NEMP2: variants seen among roughly 807,000 people sequenced by gnomAD.
NEMP2 encodes nuclear envelope integral membrane protein 2.
In NEMP2, 53 loss-of-function variants were observed where a neutral mutation model predicts 54.2. That is an observed-to-expected ratio of 0.98 (90% CI 0.78 to 1.23). The LOEUF (loss-of-function observed/expected upper bound fraction) is 1.23. Ranked by LOEUF, NEMP2 falls within the 50% of genes most tolerant of loss-of-function variation. NEMP2 has a pLI of 0.00. For synonymous variants in NEMP2, 197 were observed against 190.3 expected, an observed-to-expected ratio of 1.04 and a Z score of -0.29; for missense variants, 455 against 511.3, an observed-to-expected ratio of 0.89 and a Z score of 1.06.
the NEMP2 span, among the ~76,000 whole-genome samples, chr2:190,613,903 T>G: frequency 6.6e-6 from 1 of 151,402 alleles, no homozygotes; most frequent in Non-Finnish European, 1.5e-5. Flanking sequence ...ACTTCACCAA[T>G]AATTTTTAAA....
At chr2:190,437,553 C>A in the NEMP2 span, 10 of 1,612,720 alleles carry the variant, frequency 6.2e-6, no homozygotes, top group Non-Finnish European at 8.5e-6. The surrounding 1 kb of genome is among the most constrained non-coding windows in gnomAD (Gnocchi z 5.9). Context: ...AATTGATCGG[C>A]CACATCAGGT....
the NEMP2 span, among the ~76,000 whole-genome samples, chr2:190,493,074 A>C: frequency 1.3e-5 from 2 of 152,264 alleles, no homozygotes; most frequent in East Asian, 1.9e-4. Flanking sequence ...CTCCACTTAA[A>C]AGATACAGAA....
At chr2:190,546,815 CA>C in the NEMP2 span, among the ~76,000 whole-genome samples, 1 of 152,162 alleles carries the variant, frequency 6.6e-6, no homozygotes, top group South Asian at 2.1e-4. This position sits in a 1 kb window ranked among gnomAD's most constrained non-coding sequence, Gnocchi z 5.1. Context: ...GTGTCTTAAA[CA>C]AAACATTTAT....
rs575984821 is a variant in NEMP2 at position 190,510,231 on chromosome 2, C to T, written c.1130+130G>A. The T allele has an allele frequency of 1.8e-6, 2 of 1,102,364 alleles. No homozygotes were observed. The highest frequency in any genetic ancestry group is 3.2e-5 in the African/African-American group (2 of 63,332). 68.3% of individuals were successfully genotyped at this position (1,102,364 alleles called of 1,614,324 possible). A position where few individuals can be genotyped will look rare whatever the true frequency, so the allele number is the denominator to read the frequency against. The stretch of plus-strand genomic sequence containing the variant: ...CAGTACTGAGAAAAGGGACCTCTGA[C>T]AACTTCCACATCATCTGTTATCCAG... On this transcript the variant is annotated intron_variant, in intron 8 of 8. Transcript: ENST00000409150. The surrounding 1 kb of genome is among the most constrained non-coding windows in gnomAD (Gnocchi z 5.7).
rs1312149100 is a variant in NEMP2 at position 190,522,288 on chromosome 2, G to A, written c.213+2975C>T. Among the ~76,000 whole-genome samples the A allele has an allele frequency of 1.3e-5, 2 of 151,940 alleles. No homozygotes were observed. Among genetic ancestry groups the A allele is most frequent in the African/African-American group, 2.4e-5 (1 of 41,344 alleles). On this transcript the variant is annotated intron_variant, in intron 2 of 8. Coordinates refer to ENST00000409150, the MANE Select transcript of NEMP2 (RefSeq NM_001142645.2). The surrounding 1 kb of genome is among the most constrained non-coding windows in gnomAD (Gnocchi z 5.0). ...ATTGGGTACTATGGTCACTAGTTGG[G>A]GGATGGGTTCAGTAGAGCCCAAACC...
chr2:190,451,411 T>C, the NEMP2 span, among the ~76,000 whole-genome samples: 1 of 152,232 alleles, frequency 6.6e-6, no homozygotes, highest in Non-Finnish European at 1.5e-5. The surrounding 1 kb of genome is among the most constrained non-coding windows in gnomAD (Gnocchi z 5.0). Context: ...AAGTATTTAT[T>C]AAACACACTG....
Position 190,509,426 on chromosome 2 carries a change from T to C in NEMP2, c.1131-114A>G. 1 of 1,212,474 alleles carries C rather than the reference T, an allele frequency of 8.2e-7. No homozygotes were observed. The highest frequency in any genetic ancestry group is 1.5e-5 in the African/African-American group (1 of 65,586). 75.1% of individuals were successfully genotyped at this position (1,212,474 alleles called of 1,614,324 possible). A position where few individuals can be genotyped will look rare whatever the true frequency, so the allele number is the denominator to read the frequency against. On this transcript the variant is annotated intron_variant, in intron 8 of 8. Coordinates refer to ENST00000409150, the MANE Select transcript of NEMP2 (RefSeq NM_001142645.2). The surrounding 1 kb of genome is among the most constrained non-coding windows in gnomAD (Gnocchi z 6.1). ...TTAATTAAATTTGACTTTGCATCAA[T>C]ACAGGGTGGCATTTACACAGTGGGT...
rs2125296127 is a variant in NEMP2, at chr2:190,506,295, G to A, written c.*2894C>T. On this transcript the variant is annotated 3_prime_UTR_variant, in exon 9 of 9. Transcript: ENST00000409150. This position sits in a 1 kb window ranked among gnomAD's most constrained non-coding sequence, Gnocchi z 6.3. ...AGTACCTCTCTGTCTTCCTGCAGGT[G>A]TCTTCAAACTTCCACATCCATTATG... 1 of 152,318 alleles carries A rather than the reference G, an allele frequency of 6.6e-6. No homozygotes were observed. The highest frequency in any genetic ancestry group is 3.4e-3 in the Middle Eastern group (1 of 294). 9.4% of individuals were successfully genotyped at this position (152,318 alleles called of 1,614,324 possible).
At chr2:190,582,947 C>T in the NEMP2 span, among the ~76,000 whole-genome samples, 2 of 152,170 alleles carry the variant, frequency 1.3e-5, no homozygotes, top group Admixed American at 6.5e-5. This position sits in a 1 kb window ranked among gnomAD's most constrained non-coding sequence, Gnocchi z 4.6. Context: ...CAAGTCACTA[C>T]GTTTTCAGCA....
At chr2:190,534,239 C>CTG in intron 1 of NEMP2, 1 of 1,099,988 alleles carries the variant, frequency 9.1e-7, no homozygotes, top group Non-Finnish European at 1.1e-6. Context: ...CAGTGACAAG[C>CTG]TGTGTGACCC....
chr2:190,631,104 G>A, the NEMP2 span, among the ~76,000 whole-genome samples: 496 of 152,136 alleles, frequency 3.3e-3, 2 homozygotes, highest in Non-Finnish European at 5.3e-3. Context: ...CAGGCCAAGC[G>A]TATCAGCTAC....
the NEMP2 span, among the ~76,000 whole-genome samples, chr2:190,554,960 G>A: frequency 8.5e-5 from 13 of 152,352 alleles, no homozygotes; most frequent in African/African-American, 3.1e-4. The surrounding 1 kb of genome is among the most constrained non-coding windows in gnomAD (Gnocchi z 5.7). Flanking sequence ...CCAGAGGAAG[G>A]AACAGGCAGC....
the NEMP2 span, chr2:190,489,780 C>A: frequency 6.2e-7 from 1 of 1,614,032 alleles, no homozygotes; most frequent in Non-Finnish European, 8.5e-7. The surrounding 1 kb of genome is among the most constrained non-coding windows in gnomAD (Gnocchi z 6.6). Flanking sequence ...GCTGCTGCAA[C>A]CTTCCGAGGA....
chr2:190,516,503 T>G (rs1284066411), intron 5 of NEMP2, 119 bp from the exon 6 acceptor site: 1 of 708,574 alleles, frequency 1.4e-6, no homozygotes, highest in Middle Eastern at 2.6e-4. Context: ...TTGAAGTCAA[T>G]TTAAGAAACT....
chr2:190,547,888 T>G, the NEMP2 span, among the ~76,000 whole-genome samples: 19 of 152,080 alleles, frequency 1.2e-4, no homozygotes, highest in African/African-American at 4.6e-4. This position sits in a 1 kb window ranked among gnomAD's most constrained non-coding sequence, Gnocchi z 6.2. Context: ...TAAAGGAGGA[T>G]GGGTTATCAT....
chr2:190,468,007 G>GC, the NEMP2 span, among the ~76,000 whole-genome samples: 1 of 152,204 alleles, frequency 6.6e-6, no homozygotes, highest in African/African-American at 2.4e-5. Context: ...GTAAAGAGAG[G>GC]CCACCCACAG....
At chr2:190,429,338 T>G in the NEMP2 span, among the ~76,000 whole-genome samples, 2 of 151,884 alleles carry the variant, frequency 1.3e-5, no homozygotes, top group African/African-American at 4.8e-5. Context: ...TTCTTTTTTT[T>G]TTTTTGAGAT....
At chr2:190,639,530 C>A in the NEMP2 span, among the ~76,000 whole-genome samples, 1 of 152,036 alleles carries the variant, frequency 6.6e-6, no homozygotes, top group African/African-American at 2.4e-5. Flanking sequence ...TAAATACATA[C>A]AATTTGGTTT....
chr2:190,456,107 A>G, the NEMP2 span, among the ~76,000 whole-genome samples: 1 of 151,430 alleles, frequency 6.6e-6, no homozygotes, highest in Admixed American at 6.6e-5. The surrounding 1 kb of genome is among the most constrained non-coding windows in gnomAD (Gnocchi z 5.4). Flanking sequence ...TGCCCAGCTA[A>G]TTTTTATATT....
Sources: allele counts gnomAD v4.1 joint callset (sites outside exome capture counted in the v4.1 genomes callset), GRCh38; gene constraint gnomAD v4.1.1; non-coding constraint Gnocchi (gnomAD v3.1); transcripts MANE v1.5; gene names NCBI Gene and HGNC (gene_info 2026-07-23, HGNC 2026-07-21).